The following TBC1D1 variants were observed in gnomAD, a reference collection of about 807,000 sequenced individuals.
The protein encoded by TBC1D1 is TBC1 (tre-2/USP6, BUB2, cdc16) domain family, member 1.
TBC1D1 carries 89 observed loss-of-function variants against 125.6 expected under a neutral mutation model. The observed-to-expected ratio is 0.71, with a 90% confidence interval of 0.60 to 0.85. The LOEUF is 0.85. Ranked by LOEUF, TBC1D1 falls within the 40% of genes least tolerant of loss-of-function variation. The pLI, the probability that TBC1D1 is intolerant of heterozygous loss-of-function variation, is 0.00. For synonymous variants in TBC1D1, 565 were observed against 564.1 expected (o/e 1.00, Z -0.02); for missense variants, 1,377 against 1,469.2 (o/e 0.94, Z 1.03).
At chr4:37,915,498 A>T (rs1719540443) in intron 2 of TBC1D1, among the ~76,000 whole-genome samples, 1 of 152,214 alleles carries the variant, frequency 6.6e-6, no homozygotes, top group Non-Finnish European at 1.5e-5. Flanking sequence ...AATCAGGTAG[A>T]GAGCAAATTT....
intron 11 of TBC1D1, 115 bp from the exon 14 acceptor site, chr4:38,054,080 ATTAT>A (rs200703185): frequency 2.5e-5 from 28 of 1,107,642 alleles, no homozygotes; most frequent in Admixed American, 8.1e-5. Flanking sequence ...TCTGTGATTG[ATTAT>A]TTGTTTATAC....
intron 6 of TBC1D1, among the ~76,000 whole-genome samples, chr4:38,027,187 A>G (rs1232777332): frequency 6.6e-6 from 1 of 152,220 alleles, no homozygotes; most frequent in Non-Finnish European, 1.5e-5. Context: ...TAGTTTTCTT[A>G]GCTGTAAACT....
intron 2 of TBC1D1, among the ~76,000 whole-genome samples, chr4:37,927,036 T>C (rs548378147): frequency 2.6e-5 from 4 of 152,246 alleles, no homozygotes; most frequent in Admixed American, 2.6e-4. Context: ...TGAGAGTCAC[T>C]TGAACCCAGG....
chr4:37,956,805 G>A (rs1370858319), intron 2 of TBC1D1, among the ~76,000 whole-genome samples: 1 of 152,030 alleles, frequency 6.6e-6, no homozygotes, highest in African/African-American at 2.4e-5. Context: ...CAGGTGTGGT[G>A]GAGCACACCT....
chr4:38,135,896 G>A (rs1432620482), intron 19 of TBC1D1, among the ~76,000 whole-genome samples: 2 of 149,498 alleles, frequency 1.3e-5, no homozygotes, highest in African/African-American at 5.0e-5. Context: ...GTATATATGT[G>A]TGTGTGTATA....
intron 8 of TBC1D1, among the ~76,000 whole-genome samples, chr4:38,037,762 C>T (rs1465736489): frequency 6.6e-6 from 1 of 152,126 alleles, no homozygotes; most frequent in Non-Finnish European, 1.5e-5. Flanking sequence ...GTGTCAGGGT[C>T]GGCAGGGAGG....
chr4:38,106,539 T>A (rs562650587), intron 15 of TBC1D1, among the ~76,000 whole-genome samples: 29 of 152,238 alleles, frequency 1.9e-4, no homozygotes, highest in Admixed American at 1.6e-3. Flanking sequence ...TCCTATCATG[T>A]GAAACAAAGT....
At position 38,132,641 on chromosome 4, in the gene TBC1D1, A is replaced by G. The variant is rs568733672; in HGVS notation, c.3133-443A>G. 1.9e-3 allele frequency: 311 copies of G among 167,294 alleles called. 2 individuals carry two copies. The highest frequency in any genetic ancestry group is 3.6e-3 in the Non-Finnish European group (245 of 68,358). 10.4% of individuals were successfully genotyped at this position (167,294 alleles called of 1,614,324 possible). On this transcript the variant is annotated intron_variant, in intron 18 of 19. Transcript: ENST00000261439. ...GTAACTCTGAAAACCCAACTGAACT[A>G]TAATTAAACTTTGACTTGGTGACTC...
intron 15 of TBC1D1, among the ~76,000 whole-genome samples, chr4:38,104,459 C>T (rs1478675570): frequency 1.3e-5 from 2 of 152,210 alleles, no homozygotes; most frequent in Admixed American, 1.3e-4. Flanking sequence ...GCCTATCACC[C>T]AAGCTGCTGT....
chr4:38,132,830 G>C, intron 18 of TBC1D1: 1 of 249,528 alleles, frequency 4.0e-6, no homozygotes, highest in Non-Finnish European at 8.0e-6. Context: ...GCTTTTGGAA[G>C]GTGAGTATCA....
At chr4:38,027,738 C>A in intron 6 of TBC1D1, 50 bp from the exon 7 acceptor site, 1 of 1,334,880 alleles carries the variant, frequency 7.5e-7, no homozygotes, top group Non-Finnish European at 1.1e-6. Context: ...CTCCCTATCT[C>A]ACAACTTTTA....
At chr4:37,935,708 G>A (rs1243030779) in intron 2 of TBC1D1, among the ~76,000 whole-genome samples, 2 of 152,114 alleles carry the variant, frequency 1.3e-5, no homozygotes, top group Non-Finnish European at 2.9e-5. Context: ...CCCTGTTTAA[G>A]CTCTTGCATG....
At chr4:37,960,953 A>G (rs760044264) in intron 2 of TBC1D1, 18 of 1,614,028 alleles carry the variant, frequency 1.1e-5, no homozygotes, top group Non-Finnish European at 1.4e-5. Context: ...CCTCTCCACC[A>G]TGGGAATGCA....
At chr4:38,031,904 A>G (rs1440256141) in intron 7 of TBC1D1, among the ~76,000 whole-genome samples, 4 of 152,268 alleles carry the variant, frequency 2.6e-5, no homozygotes, top group African/African-American at 9.6e-5. Context: ...TTATTTTGTA[A>G]TATTCTTTTA....
chr4:37,905,877 A>T (rs1250998320), intron 2 of TBC1D1, among the ~76,000 whole-genome samples: 1 of 152,082 alleles, frequency 6.6e-6, no homozygotes, highest in African/African-American at 2.4e-5. Context: ...CAGGATCTTG[A>T]TCCCACCCGT....
At chr4:37,964,997 G>C (rs557994792) in intron 2 of TBC1D1, among the ~76,000 whole-genome samples, 1 of 152,258 alleles carries the variant, frequency 6.6e-6, no homozygotes, top group East Asian at 1.9e-4. Flanking sequence ...GTTTGTAGCA[G>C]TTAGGACCTG....
At chr4:37,994,752 C>T (rs1737406587) in intron 2 of TBC1D1, among the ~76,000 whole-genome samples, 1 of 152,176 alleles carries the variant, frequency 6.6e-6, no homozygotes, top group African/African-American at 2.4e-5. Flanking sequence ...GAGGCTGTGA[C>T]CCCTCTCTTA....
rs1305205257 is a variant in TBC1D1, at chr4:38,096,211, C to T, written c.2398+121C>T. 1.2e-4 allele frequency: 92 copies of T among 761,588 alleles called. No homozygotes were observed. In the South Asian group the frequency reaches 1.7e-3, roughly 14 times the overall value. The allele number at this position is 761,588 out of a possible 1,614,324, so 47.2% of individuals were successfully genotyped here. ...GCCATCTCCCTTCTTTTCATCACATCTTAATCTATTTCCATATACCTTACT... is the reference window on the plus strand; with the variant it reads ...GCCATCTCCCTTCTTTTCATCACATTTTAATCTATTTCCATATACCTTACT... On this transcript the variant is annotated intron_variant, in intron 14 of 19. Coordinates refer to ENST00000261439, the MANE Select transcript of TBC1D1 (RefSeq NM_015173.4).
At chr4:37,984,334 A>T (rs1734990825) in intron 2 of TBC1D1, among the ~76,000 whole-genome samples, 1 of 152,180 alleles carries the variant, frequency 6.6e-6, no homozygotes, top group Non-Finnish European at 1.5e-5. Context: ...TGTGAGAAGC[A>T]CTCAACTGCT....
Sources: allele counts gnomAD v4.1 joint callset (sites outside exome capture counted in the v4.1 genomes callset), GRCh38; gene constraint gnomAD v4.1.1; transcripts MANE v1.5; gene names NCBI Gene and HGNC (gene_info 2026-07-23, HGNC 2026-07-21).